TMEM61: variants seen among roughly 807,000 people sequenced by gnomAD.
TMEM61 encodes transmembrane protein 61.
Under a neutral mutation model 12.0 loss-of-function variants are expected in TMEM61, and 13 were observed. That is an observed-to-expected ratio of 1.08 (90% CI 0.70 to 1.72). TMEM61 has a LOEUF of 1.72. Ranked by LOEUF, TMEM61 falls within the 40% of genes most tolerant of loss-of-function variation. The probability of loss-of-function intolerance (pLI) is 0.00; values close to 1 mark genes in which losing one functional copy is unlikely to be tolerated. For synonymous variants in TMEM61, 109 were observed against 121.4 expected (o/e 0.90, Z 0.67); for missense variants, 249 against 276.9 (o/e 0.90, Z 0.71).
In TMEM61 at chr1:54,992,160, T is replaced by G. The variant is rs2101640180; in HGVS notation, c.*57T>G. 6.4e-7 allele frequency: 1 copy of G among 1,570,596 alleles called. No individual in the cohort carries two copies. The highest frequency in any genetic ancestry group is 1.3e-5 in the African/African-American group (1 of 74,506). ...AAAATGCCGTGCCTTCTCCAGAGTC[T>G]TATGCAGTGCCTGGGACACAGTAGG... On this transcript the variant is annotated 3_prime_UTR_variant, in exon 3 of 3. Coordinates refer to ENST00000371268, the MANE Select transcript of TMEM61 (RefSeq NM_182532.3).
In TMEM61 at chr1:54,991,069, G is replaced by A. The variant is rs117980360; in HGVS notation, c.366-767G>A. ...GTGTCCCAGGTTGGGGAGGGGCATT[G>A]GATCCCCAGAGATGACCCGCCAGGG... is the stretch of plus-strand genomic sequence containing the variant. On this transcript the variant is annotated intron_variant, in intron 2 of 2. Coordinates refer to ENST00000371268, the MANE Select transcript of TMEM61 (RefSeq NM_182532.3). 1.7e-3 allele frequency among the ~76,000 whole-genome samples: 255 copies of A among 152,302 alleles called. 3 individuals are homozygous for A. The East Asian group carries it at 0.031, about 19-fold the overall frequency.
intron 2 of TMEM61, among the ~76,000 whole-genome samples, chr1:54,986,687 G>A (rs1414822391): frequency 1.3e-5 from 2 of 151,738 alleles, no homozygotes; most frequent in Admixed American, 6.6e-5. Flanking sequence ...AGAGAGGCAT[G>A]GCTTTTAAAG....
At chr1:54,982,614 T>C (rs1644230494) in intron 1 of TMEM61, among the ~76,000 whole-genome samples, 1 of 152,160 alleles carries the variant, frequency 6.6e-6, no homozygotes, top group East Asian at 1.9e-4. Context: ...TTGCAGGGGC[T>C]AGTCTGAGGC....
Position 54,986,403 on chromosome 1 carries a change from C to A in TMEM61, c.322C>A (p.Leu108Met). The stretch of plus-strand genomic sequence containing the variant: ...GGACCCCTATCACCTCTCCAGAGAC[C>A]TGTACTACCTCACTGTGGAGTCCTC... ...RWDPYHLSRDLYYLTVESSEK... is the reference protein window; with the variant it reads ...RWDPYHLSRDMYYLTVESSEK... The change falls in exon 2 of 3, where the codon CTG (leucine) becomes ATG (methionine). Residue 108 changes from leucine to methionine, a missense_variant. By Grantham distance (15) the Leu-to-Met change is conservative. Transcript: ENST00000371268. 1 of 1,604,886 alleles carries A rather than the reference C, an allele frequency of 6.2e-7. No individual in the cohort carries two copies. Among genetic ancestry groups the A allele is most frequent in the Non-Finnish European group, 8.5e-7 (1 of 1,173,858 alleles).
intron 1 of TMEM61, 118 bp downstream of exon 1, chr1:54,981,198 C>A: frequency 8.4e-7 from 1 of 1,187,316 alleles, no homozygotes; most frequent in Non-Finnish European, 1.2e-6. Flanking sequence ...GTGTGGACAC[C>A]CGGGGCTCTG....
intron 2 of TMEM61, among the ~76,000 whole-genome samples, chr1:54,989,947 CT>C (rs112620721): frequency 3.9e-4 from 56 of 144,296 alleles, no homozygotes; most frequent in Admixed American, 2.8e-4. Context: ...ATTTGTTTTT[CT>C]TTTTTTTTTT....
At chr1:54,991,214 G>A (rs1424798024) in intron 2 of TMEM61, among the ~76,000 whole-genome samples, 1 of 152,226 alleles carries the variant, frequency 6.6e-6, no homozygotes, top group Non-Finnish European at 1.5e-5. Context: ...CCTGTGGGGT[G>A]GTTTAGTTGG....
chr1:54,983,001 T>C lies in TMEM61; in HGVS notation c.15+1921T>C, dbSNP rs529946210. Among the ~76,000 whole-genome samples the C allele has an allele frequency of 1.1e-4, 17 of 152,044 alleles. No homozygotes were observed. In the South Asian group the frequency reaches 3.5e-3, roughly 32 times the overall value. On this transcript the variant is annotated intron_variant, in intron 1 of 2. Coordinates refer to ENST00000371268, the MANE Select transcript of TMEM61 (RefSeq NM_182532.3). ...TAAATGCACAGCACACATCTGCTGC[T>C]GCCATCATCCTGTATGCAGGACAAG... is the stretch of plus-strand genomic sequence containing the variant.
intron 2 of TMEM61, among the ~76,000 whole-genome samples, chr1:54,988,918 G>T (rs1243846918): frequency 6.6e-6 from 1 of 152,162 alleles, no homozygotes; most frequent in African/African-American, 2.4e-5. Flanking sequence ...TGTCCTTGAG[G>T]ATGTTACTTA....
At chr1:54,983,864 A>T (rs2101632489) in intron 1 of TMEM61, among the ~76,000 whole-genome samples, 1 of 152,206 alleles carries the variant, frequency 6.6e-6, no homozygotes, top group South Asian at 2.1e-4. Context: ...TTTGCTCCCT[A>T]CATGAAAAGG....
At position 54,986,291 on chromosome 1, in the gene TMEM61, C is replaced by A; in HGVS notation, c.210C>A (p.Ser70Arg). 6.2e-7 allele frequency: 1 copy of A among 1,614,056 alleles called. No individual in the cohort carries two copies. Among genetic ancestry groups the A allele is most frequent in the Non-Finnish European group, 8.5e-7 (1 of 1,180,042 alleles). ...CCAGCCCCCTGCTCAGGTCCGTCAG[C>A]TTCGTCTGCTGCGGTGCAGGTGGCC... is the stretch of plus-strand genomic sequence containing the variant. ...EGPSPLLRSV[S>R]FVCCGAGGLL... Residue 70 changes from serine to arginine, a missense_variant, in exon 2 of 3, where the codon AGC (serine) becomes AGA (arginine). Ser to Arg is a moderately radical substitution (Grantham distance 110). Coordinates refer to ENST00000371268, the MANE Select transcript of TMEM61 (RefSeq NM_182532.3).
At chr1:54,990,231 T>A (rs1199309409) in intron 2 of TMEM61, among the ~76,000 whole-genome samples, 1 of 151,978 alleles carries the variant, frequency 6.6e-6, no homozygotes, top group African/African-American at 2.4e-5. Context: ...GGGAGTTCCA[T>A]GTTTGGGACT....
rs756726906 is a variant in TMEM61, at chr1:54,986,388, C to T, written c.307C>T (p.His103Tyr). The change falls in exon 2 of 3, where the codon CAC (histidine) becomes TAC (tyrosine). Residue 103 changes from histidine (H) to tyrosine (Y), a missense_variant. His to Tyr is a moderately conservative substitution (Grantham distance 83). Coordinates refer to ENST00000371268, the MANE Select transcript of TMEM61 (RefSeq NM_182532.3). ...AGGGCCACCTCGATGGGACCCCTAT[C>T]ACCTCTCCAGAGACCTGTACTACCT... ...IPGPPRWDPY[H>Y]LSRDLYYLTV... 8.1e-6 allele frequency: 13 copies of T among 1,611,468 alleles called. No individual in the cohort carries two copies. The highest frequency in any genetic ancestry group is 6.6e-5 in the South Asian group (6 of 90,752).
intron 1 of TMEM61, among the ~76,000 whole-genome samples, chr1:54,982,838 TATG>T (rs1644232052): frequency 6.6e-6 from 1 of 152,190 alleles, no homozygotes; most frequent in Non-Finnish European, 1.5e-5. Flanking sequence ...GTCACCCTAT[TATG>T]GTCACCAATT....
chr1:54,981,785 A>G (rs182757004), intron 1 of TMEM61, among the ~76,000 whole-genome samples: 5 of 152,274 alleles, frequency 3.3e-5, no homozygotes, highest in African/African-American at 9.6e-5. Context: ...TTTACTGAAG[A>G]TGCTGCCCCC....
At chr1:54,986,537 A>G in intron 2 of TMEM61, 91 bp downstream of exon 2, 1 of 1,161,776 alleles carries the variant, frequency 8.6e-7, no homozygotes, top group Non-Finnish European at 1.2e-6. Context: ...ATTCCAGCAA[A>G]TTCTCATGGG....
intron 1 of TMEM61, among the ~76,000 whole-genome samples, chr1:54,984,275 A>G (rs772341147): frequency 4.6e-5 from 7 of 152,190 alleles, no homozygotes; most frequent in Non-Finnish European, 8.8e-5. Context: ...CCTCTCTTTA[A>G]GGTCTGTGGC....
At chr1:54,991,540 G>A (rs1204746544) in intron 2 of TMEM61, among the ~76,000 whole-genome samples, 1 of 152,188 alleles carries the variant, frequency 6.6e-6, no homozygotes, top group South Asian at 2.1e-4. Flanking sequence ...TGGACTCTCA[G>A]TCACTGCCCT....
At chr1:54,989,416 C>A (rs375064219) in intron 2 of TMEM61, among the ~76,000 whole-genome samples, 1 of 152,248 alleles carries the variant, frequency 6.6e-6, no homozygotes, top group South Asian at 2.1e-4. Context: ...GTTTGCCTGA[C>A]TCAGCTGAAA....
Sources: gnomAD v4.1 joint callset for allele counts (sites outside exome capture counted in the v4.1 genomes callset) on GRCh38, gnomAD v4.1.1 for gene constraint, MANE v1.5 for transcripts, NCBI Gene and HGNC (gene_info 2026-07-23, HGNC 2026-07-21) for gene names.